Variants in GRM8 observed in about 807,000 individuals in gnomAD.
The protein encoded by GRM8 is glutamate metabotropic receptor 8, also known as metabotropic glutamate receptor 8.
Under a neutral mutation model 87.2 loss-of-function variants are expected in GRM8, and 47 were observed. The ratio of observed to expected loss-of-function variants is 0.54; its 90% confidence interval spans 0.43 to 0.69. The LOEUF is 0.69. Ranked by LOEUF, GRM8 falls within the 30% of genes least tolerant of loss-of-function variation. The pLI is 0.00. For synonymous variants in GRM8, 396 were observed against 404.5 expected (o/e 0.98, Z 0.25); for missense variants, 1,019 against 1,139.2 (o/e 0.89, Z 1.52).
At position 127,048,893 on chromosome 7, in the gene GRM8, C is replaced by CAA. The variant is rs561482429; in HGVS notation, c.727+57602_727+57603insTT. The stretch of plus-strand genomic sequence containing the variant: ...AAAAACTAGTTGGATGCTATAGTTC[C>CAA]AGACTCCTGGATTTTGTTCTTGAAT... On this transcript the variant is annotated intron_variant, in intron 3 of 10. Coordinates refer to ENST00000339582, the MANE Select transcript of GRM8 (RefSeq NM_000845.3). Among the ~76,000 whole-genome samples the CAA allele has an allele frequency of 3.6e-4, 55 of 152,094 alleles. No individual in the cohort carries two copies. In the South Asian group the frequency reaches 0.011, roughly 31 times the overall value.
intron 3 of GRM8, among the ~76,000 whole-genome samples, chr7:126,991,657 A>G (rs17866239): frequency 6.4e-4 from 97 of 152,344 alleles, no homozygotes; most frequent in African/African-American, 2.2e-3. Flanking sequence ...AAGGATGCAA[A>G]TAAAAAAATC....
At chr7:126,988,601 C>T (rs990218858) in intron 3 of GRM8, among the ~76,000 whole-genome samples, 4 of 152,154 alleles carry the variant, frequency 2.6e-5, no homozygotes, top group African/African-American at 9.7e-5. Flanking sequence ...TTTCTGCCAG[C>T]AAAGCCATAT....
rs577624795 is a variant in GRM8, at chr7:126,518,313, T to C, written c.2430+14639A>G. ...GTATTTCCATAAGAGGAAAAACATT[T>C]TGAATGACAAACAAGAAGTAATGAT... On this transcript the variant is annotated intron_variant, in intron 9 of 10. Transcript: ENST00000339582. Among the ~76,000 whole-genome samples, 71 of 152,230 alleles carry C rather than the reference T, an allele frequency of 4.7e-4. 2 individuals carry two copies. The highest frequency in any genetic ancestry group is 6.8e-3 in the Middle Eastern group (2 of 294).
intron 7 of GRM8, among the ~76,000 whole-genome samples, chr7:126,698,652 AT>A (rs1160008737): frequency 2.6e-5 from 4 of 152,036 alleles, no homozygotes; most frequent in Non-Finnish European, 5.9e-5. Context: ...TAATCAAGCT[AT>A]TTTTTCATAA....
intron 8 of GRM8, among the ~76,000 whole-genome samples, chr7:126,595,653 T>C (rs1031431879): frequency 5.3e-5 from 8 of 151,970 alleles, no homozygotes; most frequent in Admixed American, 1.3e-4. Context: ...TAGTACTTAA[T>C]AGGGTACCCA....
intron 3 of GRM8, among the ~76,000 whole-genome samples, chr7:127,078,080 C>T (rs1822479563): frequency 6.6e-6 from 1 of 152,218 alleles, no homozygotes; most frequent in Non-Finnish European, 1.5e-5. Context: ...TCTATAGTGA[C>T]TTGGCTATAG....
rs533762815 is a variant in GRM8, at chr7:126,611,426, C to A, written c.1358-1928G>T. On this transcript the variant is annotated intron_variant, in intron 7 of 10. Transcript: ENST00000339582. The stretch of plus-strand genomic sequence containing the variant: ...ACTGCACATTTACTTTCAGTACACA[C>A]CAACACATAGTAATAGAAAGGATGT... Among the ~76,000 whole-genome samples the A allele has an allele frequency of 2.6e-5, 4 of 152,240 alleles. No homozygotes were observed. In the South Asian group the frequency reaches 8.3e-4, roughly 32 times the overall value.
chr7:126,517,001 T>C (rs1049935872), intron 9 of GRM8, among the ~76,000 whole-genome samples: 1 of 152,098 alleles, frequency 6.6e-6, no homozygotes, highest in Admixed American at 6.6e-5. Flanking sequence ...CATATCTCTT[T>C]CTACTTAGTC....
intron 3 of GRM8, among the ~76,000 whole-genome samples, chr7:127,086,011 G>A (rs533991507): frequency 4.3e-4 from 66 of 152,294 alleles, no homozygotes; most frequent in African/African-American, 1.3e-3. Flanking sequence ...ATTGTCAATA[G>A]AGCGGGCCCT....
rs904759773 is a variant in GRM8 at position 127,053,497 on chromosome 7, T to G, written c.727+52999A>C. Reference sequence around the variant, plus strand: ...TTATATACATATATGTGTATTTCATTTAACAGAAGGGGCTGGATGCAGTGG... The same window carrying G: ...TTATATACATATATGTGTATTTCATGTAACAGAAGGGGCTGGATGCAGTGG... On this transcript the variant is annotated intron_variant, in intron 3 of 10. Coordinates refer to ENST00000339582, the MANE Select transcript of GRM8 (RefSeq NM_000845.3). Among the ~76,000 whole-genome samples, 6 of 152,308 alleles carry G rather than the reference T, an allele frequency of 3.9e-5. No homozygotes were observed. The Middle Eastern group carries it at 0.01, about 259-fold the overall frequency.
chr7:126,844,357 G>T (rs1157964262), intron 6 of GRM8, among the ~76,000 whole-genome samples: 3 of 152,274 alleles, frequency 2.0e-5, no homozygotes, highest in African/African-American at 7.2e-5. Flanking sequence ...CATTCTGAAA[G>T]TGTCTGAGCC....
At chr7:126,534,230 G>T (rs554518406) in intron 8 of GRM8, among the ~76,000 whole-genome samples, 11 of 152,126 alleles carry the variant, frequency 7.2e-5, no homozygotes, top group Non-Finnish European at 1.6e-4. Flanking sequence ...GTAGAAAGAT[G>T]CTTTAGAGTT....
chr7:126,977,249 A>G (rs1165807354), intron 3 of GRM8, among the ~76,000 whole-genome samples: 1 of 152,252 alleles, frequency 6.6e-6, no homozygotes, highest in Non-Finnish European at 1.5e-5. Context: ...TAACAAAAAC[A>G]TCAATTATTT....
chr7:126,720,101 C>T (rs1415040709), intron 7 of GRM8, among the ~76,000 whole-genome samples: 2 of 151,708 alleles, frequency 1.3e-5, no homozygotes, highest in East Asian at 3.9e-4. Flanking sequence ...TTGTCTCTCT[C>T]TTCCTGTTCT....
intron 3 of GRM8, among the ~76,000 whole-genome samples, chr7:126,942,597 G>T (rs184695212): frequency 6.6e-6 from 1 of 152,132 alleles, no homozygotes; most frequent in Non-Finnish European, 1.5e-5. Context: ...CTGCTCGCCC[G>T]GCATGCAGCA....
intron 9 of GRM8, among the ~76,000 whole-genome samples, chr7:126,483,237 A>T (rs1158548556): frequency 6.6e-6 from 1 of 150,714 alleles, no homozygotes; most frequent in Non-Finnish European, 1.5e-5. Context: ...AAGGGCTGAC[A>T]AAAACCACTT....
chr7:126,711,642 C>A (rs886085545), intron 7 of GRM8, among the ~76,000 whole-genome samples: 2 of 152,180 alleles, frequency 1.3e-5, no homozygotes, highest in Non-Finnish European at 2.9e-5. Context: ...TAGATGACAT[C>A]CTCTTCCAAG....
At chr7:126,638,047 C>T (rs908618905) in intron 7 of GRM8, among the ~76,000 whole-genome samples, 33 of 151,798 alleles carry the variant, frequency 2.2e-4, no homozygotes, top group Non-Finnish European at 3.4e-4. Context: ...AGGTATATTT[C>T]GAAAATAAAT....
At chr7:126,772,287 G>A (rs1387965348) in intron 6 of GRM8, among the ~76,000 whole-genome samples, 1 of 152,170 alleles carries the variant, frequency 6.6e-6, no homozygotes, top group Non-Finnish European at 1.5e-5. Context: ...AAATTTCAGA[G>A]AGAAGACTGA....
Sources: allele counts gnomAD v4.1 joint callset (sites outside exome capture counted in the v4.1 genomes callset), GRCh38; gene constraint gnomAD v4.1.1; transcripts MANE v1.5; gene names NCBI Gene and HGNC (gene_info 2026-07-23, HGNC 2026-07-21).